The following MACROD2 variants were observed in gnomAD, a reference collection of about 807,000 sequenced individuals.
MACROD2 encodes mono-ADP ribosylhydrolase 2, also known as ADP-ribose glycohydrolase MACROD2.
A neutral mutation model predicts 70.4 loss-of-function variants in MACROD2; 36 were observed. The ratio of observed to expected loss-of-function variants is 0.51; its 90% CI spans 0.39 to 0.68. The LOEUF is 0.68. MACROD2 is among the 30% of genes least tolerant of loss of function. The pLI is 0.00. For missense variants in MACROD2, 496 were observed against 538.4 expected (o/e 0.92, Z 0.78); for synonymous variants, 172 against 178.8 (o/e 0.96, Z 0.30).
chr20:14,343,649 G>A (rs2083037575), intron 3 of MACROD2, among the ~76,000 whole-genome samples: 1 of 152,160 alleles, frequency 6.6e-6, no homozygotes, highest in African/African-American at 2.4e-5. Flanking sequence ...CTTCTCTCCT[G>A]GATGCTAGAC....
intron 3 of MACROD2, among the ~76,000 whole-genome samples, chr20:14,155,036 T>A (rs148057102): frequency 1.8e-4 from 28 of 152,288 alleles, no homozygotes; most frequent in African/African-American, 6.3e-4. Flanking sequence ...GCCTCTTGGA[T>A]GTGTGTTTCG....
At chr20:15,069,514 A>T (rs2075602678) in intron 5 of MACROD2, among the ~76,000 whole-genome samples, 1 of 152,148 alleles carries the variant, frequency 6.6e-6, no homozygotes, top group African/African-American at 2.4e-5. Context: ...AGGCCCAGAG[A>T]CCTAGAAGGA....
At chr20:15,965,870 C>A (rs940021087) in intron 12 of MACROD2, among the ~76,000 whole-genome samples, 4 of 152,054 alleles carry the variant, frequency 2.6e-5, no homozygotes, top group Non-Finnish European at 4.4e-5. Flanking sequence ...TTATTGTCAG[C>A]CTCAGAAAGA....
intron 5 of MACROD2, among the ~76,000 whole-genome samples, chr20:14,770,169 G>A (rs1600645836): frequency 6.6e-6 from 1 of 151,888 alleles, no homozygotes; most frequent in Non-Finnish European, 1.5e-5. Context: ...TTATCTCTGG[G>A]TAGTGGAAAT....
At chr20:16,040,466 C>A (rs1389790685) in intron 15 of MACROD2, among the ~76,000 whole-genome samples, 1 of 151,912 alleles carries the variant, frequency 6.6e-6, no homozygotes, top group African/African-American at 2.4e-5. Context: ...TACAAATGTC[C>A]TTGCTCTTCA....
chr20:15,378,283 G>GAA (rs11087133), intron 6 of MACROD2, among the ~76,000 whole-genome samples: 12,653 of 87,268 alleles, frequency 0.14, 772 homozygotes, highest in Non-Finnish European at 0.2. Flanking sequence ...CAATAAAATT[G>GAA]AAAAAAAAAA....
intron 5 of MACROD2, among the ~76,000 whole-genome samples, chr20:15,152,473 T>C (rs7262314): frequency 2.6e-4 from 8 of 30,222 alleles, no homozygotes; most frequent in African/African-American, 4.7e-4. Context: ...AATAAGGGAT[T>C]GGGGCACAGA....
At chr20:14,202,595 A>G (rs1569204343) in intron 3 of MACROD2, among the ~76,000 whole-genome samples, 1 of 152,238 alleles carries the variant, frequency 6.6e-6, no homozygotes, top group Non-Finnish European at 1.5e-5. Flanking sequence ...CACACTACTT[A>G]GAAGGGAGGC....
chr20:14,927,839 C>T (rs572468676), intron 5 of MACROD2, among the ~76,000 whole-genome samples: 1 of 152,294 alleles, frequency 6.6e-6, no homozygotes, highest in Non-Finnish European at 1.5e-5. Flanking sequence ...ATGTAAAAAA[C>T]AACAACGACA....
chr20:14,653,216 A>G (rs1468439287), intron 4 of MACROD2, among the ~76,000 whole-genome samples: 1 of 121,770 alleles, frequency 8.2e-6, no homozygotes, highest in African/African-American at 3.2e-5. Context: ...ATGTACAGCA[A>G]TTTTTTTTTT....
In MACROD2 at chr20:14,731,009, A is replaced by ACACACACAC. The variant is rs1555822607; in HGVS notation, c.418+46050_418+46051insCACACACAC. On this transcript the variant is annotated intron_variant, in intron 5 of 17. Coordinates refer to ENST00000684519, the MANE Select transcript of MACROD2 (RefSeq NM_001351661.2). ...CACACACACACACACACACACACAC[A>ACACACACAC]TGCACACACACACTCACAAACACAT... 2.5e-3 allele frequency among the ~76,000 whole-genome samples: 265 copies of ACACACACAC among 106,790 alleles called. 1 individual carries two copies. The highest frequency in any genetic ancestry group is 3.6e-3 in the Admixed American group (32 of 8,772). 70.1% of individuals were successfully genotyped at this position (106,790 alleles called of 152,430 possible).
intron 3 of MACROD2, among the ~76,000 whole-genome samples, chr20:14,168,374 A>G (rs974447804): frequency 3.3e-5 from 5 of 152,206 alleles, no homozygotes; most frequent in Admixed American, 6.5e-5. Context: ...TCTTTTAAAA[A>G]ATCAAGACTT....
chr20:15,661,282 A>G (rs1377026576), intron 8 of MACROD2, among the ~76,000 whole-genome samples: 1 of 152,204 alleles, frequency 6.6e-6, no homozygotes, highest in East Asian at 1.9e-4. Flanking sequence ...AGAGGTTTGT[A>G]TGGCTCACAG....
At chr20:15,671,432 C>T (rs572959552) in intron 8 of MACROD2, among the ~76,000 whole-genome samples, 7 of 152,200 alleles carry the variant, frequency 4.6e-5, no homozygotes, top group Non-Finnish European at 1.0e-4. Flanking sequence ...GGATTATGGC[C>T]GTTTTTATCG....
chr20:15,572,689 A>C (rs949440515), intron 8 of MACROD2, among the ~76,000 whole-genome samples: 8 of 152,104 alleles, frequency 5.3e-5, no homozygotes, highest in African/African-American at 1.9e-4. Flanking sequence ...AGTATTTCGC[A>C]TGAATGCATG....
At chr20:14,386,151 C>T (rs1355696450) in intron 3 of MACROD2, among the ~76,000 whole-genome samples, 8 of 152,140 alleles carry the variant, frequency 5.3e-5, no homozygotes, top group Non-Finnish European at 1.2e-4. Context: ...CAAATGAGGA[C>T]ATGAAGACAA....
chr20:14,996,197 T>C lies in MACROD2; in HGVS notation c.419-233743T>C, dbSNP rs1299270772. Among the ~76,000 whole-genome samples, 4 of 152,142 alleles carry C rather than the reference T, an allele frequency of 2.6e-5. No individual in the cohort carries two copies. In the East Asian group the frequency reaches 7.7e-4, roughly 29 times the overall value. ...ACTAAATATCAACATCTATTATAAG[T>C]AGGGGGTCTCACGGGCCAGTGTGCT... is the stretch of plus-strand genomic sequence containing the variant. On this transcript the variant is annotated intron_variant, in intron 5 of 17. Transcript: ENST00000684519.
chr20:15,755,456 G>T (rs985651363), intron 8 of MACROD2, among the ~76,000 whole-genome samples: 51 of 152,230 alleles, frequency 3.4e-4, no homozygotes, highest in African/African-American at 1.2e-3. Context: ...AAAATGAGTA[G>T]ATTTTACATT....
chr20:14,192,500 G>A (rs972740033), intron 3 of MACROD2, among the ~76,000 whole-genome samples: 2 of 152,170 alleles, frequency 1.3e-5, no homozygotes, highest in African/African-American at 4.8e-5. Context: ...AAGTAAGATA[G>A]ATGTGGGAAG....
Sources: gnomAD v4.1 joint callset for allele counts (sites outside exome capture counted in the v4.1 genomes callset) on GRCh38, gnomAD v4.1.1 for gene constraint, MANE v1.5 for transcripts, NCBI Gene and HGNC (gene_info 2026-07-23, HGNC 2026-07-21) for gene names.